The following CACNA1A variants were observed in gnomAD, a reference collection of about 807,000 sequenced individuals.
CACNA1A encodes the protein voltage-dependent P/Q-type calcium channel subunit alpha-1A.
Under a neutral mutation model 262.4 loss-of-function variants are expected in CACNA1A, and 57 were observed. That is an observed-to-expected ratio of 0.22 (90% CI 0.18 to 0.27). The LOEUF (loss-of-function observed/expected upper bound fraction) is 0.27. Among genes scored for constraint, CACNA1A ranks in the 10% least tolerant of loss-of-function variants. The pLI is 1.00. For missense variants in CACNA1A, 2,526 were observed against 3,562.8 expected (o/e 0.71, Z 7.41); for synonymous variants, 1,431 against 1,419.3 (o/e 1.01, Z -0.18).
chr19:13,432,038 G>A (rs2060514759), intron 3 of CACNA1A, among the ~76,000 whole-genome samples: 1 of 147,344 alleles, frequency 6.8e-6, no homozygotes, highest in Non-Finnish European at 1.5e-5. Flanking sequence ...CCGGGAGGCT[G>A]AGGTTGCAGT....
chr19:13,402,897 T>TACACACACACACACACACACAC lies in CACNA1A; in HGVS notation c.540-31119_540-31118insGTGTGTGTGTGTGTGTGTGTGT, dbSNP rs2059933313. Among the ~76,000 whole-genome samples the TACACACACACACACACACACAC allele has an allele frequency of 3.1e-5, 4 of 129,812 alleles. No homozygotes were observed. The Admixed American group carries it at 3.2e-4, about 10-fold the overall frequency. 85.2% of individuals were successfully genotyped at this position (129,812 alleles called of 152,430 possible). A position where few individuals can be genotyped will look rare whatever the true frequency, so the allele number is the denominator to read the frequency against. ...ACATATATATATATATATATATATA[T>TACACACACACACACACACACAC]ATATATATATATATATATACTTGCA... On this transcript the variant is annotated intron_variant, in intron 3 of 46. Coordinates refer to ENST00000360228, the MANE Select transcript of CACNA1A (RefSeq NM_001127222.2).
intron 3 of CACNA1A, among the ~76,000 whole-genome samples, chr19:13,433,814 C>G (rs564674504): frequency 1.3e-5 from 2 of 152,168 alleles, no homozygotes; most frequent in Non-Finnish European, 2.9e-5. Flanking sequence ...CTGGGCAACA[C>G]TGCATCATCC....
chr19:13,465,623 T>G (rs2061220444), intron 1 of CACNA1A, among the ~76,000 whole-genome samples: 1 of 152,170 alleles, frequency 6.6e-6, no homozygotes, highest in South Asian at 2.1e-4. Flanking sequence ...TAGCTGGGAC[T>G]ACAGGCACAT....
intron 3 of CACNA1A, among the ~76,000 whole-genome samples, chr19:13,408,403 T>C (rs1229911006): frequency 2.6e-5 from 4 of 152,086 alleles, no homozygotes; most frequent in Non-Finnish European, 4.4e-5. Context: ...AAAGAACTAA[T>C]GAATGAAGAA....
At chr19:13,432,587 G>A (rs75654047) in intron 3 of CACNA1A, among the ~76,000 whole-genome samples, 10,444 of 151,730 alleles carry the variant, frequency 0.069, 551 homozygotes, top group East Asian at 0.18. Context: ...GGAGGAATAC[G>A]TTTTAGAGAT....
At chr19:13,441,481 A>C (rs1367473180) in intron 3 of CACNA1A, among the ~76,000 whole-genome samples, 1 of 151,990 alleles carries the variant, frequency 6.6e-6, no homozygotes, top group Non-Finnish European at 1.5e-5. Flanking sequence ...AGCCTGGCCA[A>C]CATGGTGAAA....
chr19:13,289,549 C>T (rs2057486314), intron 19 of CACNA1A, among the ~76,000 whole-genome samples: 1 of 152,174 alleles, frequency 6.6e-6, no homozygotes. Context: ...GGAGTAGAAC[C>T]TTCCCCATAT....
chr19:13,389,382 A>T (rs1599348835), intron 3 of CACNA1A, among the ~76,000 whole-genome samples: 1 of 152,006 alleles, frequency 6.6e-6, no homozygotes, highest in Non-Finnish European at 1.5e-5. Context: ...GCATTCTCGT[A>T]CCTGCCCCTA....
At chr19:13,257,243 T>C (rs1284536380) in intron 28 of CACNA1A, 107 bp downstream of exon 28, 8 of 863,194 alleles carry the variant, frequency 9.3e-6, no homozygotes, top group Non-Finnish European at 5.5e-6. Flanking sequence ...AATGCTTCTG[T>C]TCCCTCCCCC....
chr19:13,337,838 C>T (rs542966524), intron 6 of CACNA1A, among the ~76,000 whole-genome samples: 5 of 152,306 alleles, frequency 3.3e-5, no homozygotes, highest in Admixed American at 2.0e-4. Flanking sequence ...TGCATGGTCT[C>T]GCCTATTGCT....
chr19:13,218,535 G>T lies in CACNA1A; in HGVS notation c.5732-3927C>A, dbSNP rs2055103859. Reference sequence around the variant, plus strand: ...TGGAAGCTCGCACCTGGTGTCTCCTGGACCCTTCCCCAGATGCCCTTCCTT... The same window carrying T: ...TGGAAGCTCGCACCTGGTGTCTCCTTGACCCTTCCCCAGATGCCCTTCCTT... On this transcript the variant is annotated intron_variant, in intron 38 of 46. Coordinates refer to ENST00000360228, the MANE Select transcript of CACNA1A (RefSeq NM_001127222.2). Among the ~76,000 whole-genome samples the T allele has an allele frequency of 3.3e-5, 5 of 152,102 alleles. No homozygotes were observed. In the East Asian group the frequency reaches 9.6e-4, roughly 29 times the overall value.
At chr19:13,331,306 G>A (rs1315434307) in intron 9 of CACNA1A, among the ~76,000 whole-genome samples, 5 of 151,270 alleles carry the variant, frequency 3.3e-5, no homozygotes, top group African/African-American at 1.2e-4. Context: ...GTGTGATCTC[G>A]GCTCACCGCA....
In CACNA1A at chr19:13,207,379, G is replaced by A; in HGVS notation, c.7455C>T (p.Pro2485=). The A allele has an allele frequency of 1.9e-6, 3 of 1,546,688 alleles. No individual in the cohort carries two copies. The highest frequency in any genetic ancestry group is 2.6e-6 in the Non-Finnish European group (3 of 1,152,846). The change falls in exon 47 of 47, where the codon CCC becomes CCT. Residue 2485 remains proline, a synonymous_variant. Coordinates refer to ENST00000360228, the MANE Select transcript of CACNA1A (RefSeq NM_001127222.2). This position sits in a 1 kb window ranked among gnomAD's most constrained non-coding sequence, Gnocchi z 5.7. ...GGCCCTTCCTGGAGCCCGGCCCGCG[G>A]GGCCTGGCCAGTCCGTGCGCCGGGT... ...GYYPAHGLAR[P]RGPGSRKGLH... is the part of the protein sequence containing the mutation.
rs1191626652 is a variant in CACNA1A, at chr19:13,312,753, G to T, written c.1584C>A (p.Leu528=). Residue 528 remains leucine, a synonymous_variant, in exon 12 of 47, where the codon CTC becomes CTA. Transcript: ENST00000360228. The part of the protein sequence containing the change: ...LYYAEFIFLG[L]FMSEMFIKMY... ...TTTTTATAAACATTTCGGACATAAA[G>T]AGTCCTAAGAAAATGAATTCTGCAT... 2 of 1,583,816 alleles carry T rather than the reference G, an allele frequency of 1.3e-6. No homozygotes were observed. Among genetic ancestry groups the T allele is most frequent in the Admixed American group, 3.6e-5 (2 of 55,314 alleles).
At chr19:13,492,048 G>C (rs1568702615) in intron 1 of CACNA1A, among the ~76,000 whole-genome samples, 1 of 152,136 alleles carries the variant, frequency 6.6e-6, no homozygotes, top group Non-Finnish European at 1.5e-5. Flanking sequence ...TTACTGATGA[G>C]GAAAGGCAGG....
At chr19:13,346,616 TTATATATATATATATATATATATA>T (rs74181778) in intron 6 of CACNA1A, among the ~76,000 whole-genome samples, 1,729 of 50,322 alleles carry the variant, frequency 0.034, 227 homozygotes, top group African/African-American at 0.042. Context: ...TTTTAATTGA[TTATATATATATATATATATATATA>T]TATATATATA....
chr19:13,252,610 G>C (rs969637571), intron 30 of CACNA1A: 1 of 153,880 alleles, frequency 6.5e-6, no homozygotes, highest in Non-Finnish European at 1.4e-5. Context: ...GGCTGGTCTC[G>C]AACTCCCGAC....
At chr19:13,245,669 C>CTTT (rs2056213376) in intron 30 of CACNA1A, 2 of 119,566 alleles carry the variant, frequency 1.7e-5, no homozygotes, top group Admixed American at 9.0e-5. Flanking sequence ...TTCTTTCTTT[C>CTTT]TCTTTTTTTT....
In CACNA1A at chr19:13,228,760, A is replaced by G. The variant is rs2055562308; in HGVS notation, c.5529-1233T>C. 5 of 1,601,562 alleles carry G rather than the reference A, an allele frequency of 3.1e-6. No individual in the cohort carries two copies. Among genetic ancestry groups the G allele is most frequent in the Non-Finnish European group, 4.3e-6 (5 of 1,173,648 alleles). On this transcript the variant is annotated intron_variant, in intron 36 of 46. Transcript: ENST00000360228. Reference sequence around the variant, plus strand: ...GCCGAGAGGGGGAGATATTACTCGTAATAAACTGTACATATCCTTATAATG... The same window carrying G: ...GCCGAGAGGGGGAGATATTACTCGTGATAAACTGTACATATCCTTATAATG...
Sources: allele counts gnomAD v4.1 joint callset (sites outside exome capture counted in the v4.1 genomes callset), GRCh38; gene constraint gnomAD v4.1.1; non-coding constraint Gnocchi (gnomAD v3.1); transcripts MANE v1.5; gene names NCBI Gene and HGNC (gene_info 2026-07-23, HGNC 2026-07-21).